The following NFASC variants were observed in gnomAD, a reference collection of about 807,000 sequenced individuals.
NFASC encodes the protein neurofascin homolog.
NFASC carries 43 observed loss-of-function variants against 147.5 expected under a neutral mutation model. The observed-to-expected ratio is 0.29, with a 90% CI of 0.23 to 0.38. The LOEUF is 0.38. Ranked by LOEUF, NFASC falls within the 10% of genes least tolerant of loss-of-function variation. The pLI is 1.00. For missense variants in NFASC, 1,320 were observed against 1,689.0 expected, an observed-to-expected ratio of 0.78 and a Z score of 3.83; for synonymous variants, 622 against 665.5, an observed-to-expected ratio of 0.93 and a Z score of 1.01.
At chr1:204,982,153 G>A (rs961022632) in intron 21 of NFASC, 133 bp downstream of exon 21, 4 of 560,502 alleles carry the variant, frequency 7.1e-6, no homozygotes, top group Non-Finnish European at 1.2e-5. Flanking sequence ...ATGTTCTGTA[G>A]TGACCTAGAG....
At chr1:204,922,595 C>T (rs1208718159) in intron 2 of NFASC, among the ~76,000 whole-genome samples, 1 of 152,132 alleles carries the variant, frequency 6.6e-6, no homozygotes. Context: ...AAGTTATTTC[C>T]CCCAAGGTTT....
At chr1:204,985,886 C>T (rs1222201097) in intron 21 of NFASC, 20 of 1,571,936 alleles carry the variant, frequency 1.3e-5, no homozygotes, top group Non-Finnish European at 1.7e-5. Context: ...CCTGACCCCT[C>T]ACCAGCCTGC....
chr1:204,893,828 G>T (rs1210863131), intron 1 of NFASC, among the ~76,000 whole-genome samples: 1 of 152,142 alleles, frequency 6.6e-6, no homozygotes, highest in African/African-American at 2.4e-5. Flanking sequence ...AAGCTTTGTT[G>T]CCCAACTAAA....
intron 12 of NFASC, among the ~76,000 whole-genome samples, chr1:204,973,826 G>T (rs2595947): frequency 0.93 from 140,695 of 152,060 alleles, 65,943 homozygotes; most frequent in East Asian, 0.99. Context: ...GGTGGGAAAT[G>T]GTTCTGAGTA....
At chr1:204,877,049 AATATATTTAT>A (rs2079108071) in intron 1 of NFASC, among the ~76,000 whole-genome samples, 4 of 92,618 alleles carry the variant, frequency 4.3e-5, no homozygotes, top group African/African-American at 2.5e-4. Flanking sequence ...ATATATATAT[AATATATTTAT>A]TTATATATTT....
In NFASC at chr1:204,976,673, T is replaced by C; in HGVS notation, c.1709T>C (p.Met570Thr). Residue 570 changes from methionine (M) to threonine (T), a missense_variant and splice_region_variant, in exon 16 of 30, where the codon ATG becomes ACG. This residue lies in a region of NFASC where 981 missense variants were observed against 1,289.5 expected (regional missense o/e 0.76). Coordinates refer to ENST00000339876, the MANE Select transcript of NFASC (RefSeq NM_001005388.3). ...DDEPLYIGNRMKKEDDSLTIF... is the reference protein window; with the variant it reads ...DDEPLYIGNRTKKEDDSLTIF... ...ACCCTTCCTCGGTACCTTTGCAGGA[T>C]GAAGAAGGAAGACGACTCCCTGACC... is the stretch of plus-strand genomic sequence containing the variant. The C allele has an allele frequency of 6.2e-7, 1 of 1,611,618 alleles. No individual in the cohort carries two copies. The highest frequency in any genetic ancestry group is 8.5e-7 in the Non-Finnish European group (1 of 1,178,156).
chr1:204,970,121 A>G (rs544842734), intron 10 of NFASC, among the ~76,000 whole-genome samples: 109 of 150,746 alleles, frequency 7.2e-4, no homozygotes, highest in African/African-American at 2.6e-3. Context: ...ACCAAAATTC[A>G]GTGCCTAAAG....
chr1:204,948,881 C>T (rs1366588520), intron 3 of NFASC, among the ~76,000 whole-genome samples: 1 of 152,226 alleles, frequency 6.6e-6, no homozygotes, highest in Non-Finnish European at 1.5e-5. Flanking sequence ...CCAAGGGGAG[C>T]GGGTCCCAGT....
intron 1 of NFASC, among the ~76,000 whole-genome samples, chr1:204,840,495 A>G (rs1675007828): frequency 6.6e-6 from 1 of 152,234 alleles, no homozygotes; most frequent in Non-Finnish European, 1.5e-5. Context: ...GCTTGAAGTC[A>G]GAGAATGTCT....
chr1:204,979,253 T>C lies in NFASC; in HGVS notation c.1979-109T>C, dbSNP rs1345094004. ...TTGGGAAGAATTCTCCTTGTGCCTT[T>C]GTGTGAGAGAGATTATAAAGATCAA... On this transcript the variant is annotated intron_variant, in intron 18 of 29. Transcript: ENST00000339876. The surrounding 1 kb of genome is among the most constrained non-coding windows in gnomAD (Gnocchi z 6.0). 6.6e-6 allele frequency: 7 copies of C among 1,061,194 alleles called. No individual in the cohort carries two copies. Among genetic ancestry groups the C allele is most frequent in the Non-Finnish European group, 1.0e-5 (7 of 688,666 alleles). The allele number at this position is 1,061,194 out of a possible 1,614,324, so 65.7% of individuals were successfully genotyped here.
intron 2 of NFASC, among the ~76,000 whole-genome samples, chr1:204,938,611 C>T (rs558805506): frequency 2.0e-5 from 3 of 152,284 alleles, no homozygotes; most frequent in East Asian, 1.9e-4. Context: ...CCAATGCTCT[C>T]GAACTAGACA....
At position 205,017,049 on chromosome 1, in the gene NFASC, A is replaced by T. The variant is rs1230648149; in HGVS notation, c.*510A>T. 4.0e-6 allele frequency: 1 copy of T among 252,622 alleles called. No homozygotes were observed. Among genetic ancestry groups the T allele is most frequent in the Non-Finnish European group, 7.9e-6 (1 of 127,258 alleles). 15.6% of individuals were successfully genotyped at this position (252,622 alleles called of 1,614,324 possible). A position where few individuals can be genotyped will look rare whatever the true frequency, so the allele number is the denominator to read the frequency against. On this transcript the variant is annotated 3_prime_UTR_variant, in exon 30 of 30. Coordinates refer to ENST00000339876, the MANE Select transcript of NFASC (RefSeq NM_001005388.3). Reference sequence around the variant, plus strand: ...GATAGGCAAAAAGGATTGAATCCATACCAGAACACGTAGACAGGCTGTAAT... The same window carrying T: ...GATAGGCAAAAAGGATTGAATCCATTCCAGAACACGTAGACAGGCTGTAAT...
At position 204,993,154 on chromosome 1, in the gene NFASC, G is replaced by A. The variant is rs78001973; in HGVS notation, c.2782+1848G>A. ...CCGGCCCACTGCTGTCTTCCCTCTC[G>A]TCCTCTCCAAACCTGGGCACTATTT... On this transcript the variant is annotated intron_variant, in intron 24 of 29. Coordinates refer to ENST00000339876, the MANE Select transcript of NFASC (RefSeq NM_001005388.3). Among the ~76,000 whole-genome samples the A allele has an allele frequency of 6.6e-3, 1,008 of 152,240 alleles. 14 individuals carry two copies. The highest frequency in any genetic ancestry group is 0.021 in the African/African-American group (859 of 41,542).
intron 2 of NFASC, among the ~76,000 whole-genome samples, chr1:204,923,546 C>G (rs964957160): frequency 2.0e-5 from 3 of 152,122 alleles, no homozygotes; most frequent in African/African-American, 7.2e-5. Flanking sequence ...CTCCTAAGTC[C>G]CTCTGCCTGT....
At chr1:204,836,190 T>C (rs963230445) in intron 1 of NFASC, among the ~76,000 whole-genome samples, 3 of 152,118 alleles carry the variant, frequency 2.0e-5, no homozygotes, top group Non-Finnish European at 4.4e-5. Context: ...GTGGTGCCTA[T>C]GTTAGTAGAA....
intron 1 of NFASC, among the ~76,000 whole-genome samples, chr1:204,879,102 G>A (rs1292121808): frequency 6.6e-6 from 1 of 152,200 alleles, no homozygotes; most frequent in East Asian, 1.9e-4. Flanking sequence ...ACCAACCAGT[G>A]CAAAACAAGT....
intron 2 of NFASC, 21 bp from the exon 3 acceptor site, chr1:204,944,205 C>T: frequency 2.6e-6 from 4 of 1,543,708 alleles, no homozygotes; most frequent in Non-Finnish European, 3.5e-6. Flanking sequence ...AACTCACTTG[C>T]TCTTATGTTT....
intron 2 of NFASC, among the ~76,000 whole-genome samples, chr1:204,921,027 A>T (rs567813588): frequency 1.3e-5 from 2 of 152,304 alleles, no homozygotes; most frequent in East Asian, 3.9e-4. Flanking sequence ...TGTCCACCTA[A>T]TTGAAAAATT....
chr1:204,837,044 A>G (rs1369018037), intron 1 of NFASC, among the ~76,000 whole-genome samples: 1 of 152,276 alleles, frequency 6.6e-6, no homozygotes, highest in Non-Finnish European at 1.5e-5. Context: ...AATGACTCAG[A>G]AGTGTGGCAT....
Sources: gnomAD v4.1 joint callset for allele counts (sites outside exome capture counted in the v4.1 genomes callset) on GRCh38, gnomAD v4.1.1 for gene constraint, gnomAD v4.1.1 regional missense constraint, Gnocchi (gnomAD v3.1) non-coding constraint, MANE v1.5 for transcripts, NCBI Gene and HGNC (gene_info 2026-07-23, HGNC 2026-07-21) for gene names.